Variants in RIGI observed in about 807,000 individuals in gnomAD.
The protein encoded by RIGI is antiviral innate immune response receptor RIG-I.
chr9:32,479,798 C>T, the RIGI span, among the ~76,000 whole-genome samples: 1 of 148,816 alleles, frequency 6.7e-6, no homozygotes, highest in Non-Finnish European at 1.5e-5. Context: ...GATTGAGCCA[C>T]TGCACTTGAC....
chr9:32,464,309 G>A, the RIGI span, among the ~76,000 whole-genome samples: 8 of 152,016 alleles, frequency 5.3e-5, no homozygotes, highest in South Asian at 6.2e-4. Flanking sequence ...CACAAAAGGG[G>A]GGCTCACCCC....
the RIGI span, among the ~76,000 whole-genome samples, chr9:32,475,688 A>G: frequency 0.43 from 66,006 of 151,952 alleles, 14,956 homozygotes; most frequent in East Asian, 0.73. Flanking sequence ...GTAGACCTAA[A>G]TGTAAAATGT....
the RIGI span, among the ~76,000 whole-genome samples, chr9:32,486,999 C>T: frequency 6.6e-6 from 1 of 152,164 alleles, no homozygotes; most frequent in East Asian, 1.9e-4. Flanking sequence ...GTAATAATAA[C>T]ATCAATAAAC....
chr9:32,476,913 T>G, the RIGI span: 1 of 1,353,960 alleles, frequency 7.4e-7, no homozygotes, highest in South Asian at 1.4e-5. Context: ...TGAGACACCA[T>G]ACCCAGCCCA....
the RIGI span, among the ~76,000 whole-genome samples, chr9:32,495,015 C>T: frequency 1.3e-5 from 2 of 152,142 alleles, no homozygotes; most frequent in Middle Eastern, 3.2e-3. Context: ...CAATACCTTG[C>T]TTTCAATTCT....
At chr9:32,485,164 A>C in the RIGI span, 2 of 1,577,136 alleles carry the variant, frequency 1.3e-6, no homozygotes, top group South Asian at 2.3e-5. Flanking sequence ...AAAATATGAG[A>C]TTTATCTCAC....
chr9:32,477,139 T>C, the RIGI span: 1 of 1,611,766 alleles, frequency 6.2e-7, no homozygotes, highest in South Asian at 1.1e-5. Context: ...TTTCTGCAAA[T>C]GGGAAACATT....
At chr9:32,500,140 C>T in the RIGI span, among the ~76,000 whole-genome samples, 2 of 152,130 alleles carry the variant, frequency 1.3e-5, no homozygotes, top group African/African-American at 2.4e-5. Context: ...CTAATAAATG[C>T]TAACGTGTAG....
At chr9:32,489,966 G>A in the RIGI span, among the ~76,000 whole-genome samples, 1 of 152,174 alleles carries the variant, frequency 6.6e-6, no homozygotes, top group African/African-American at 2.4e-5. Context: ...TAACAGGTAG[G>A]CATATAAATC....
At chr9:32,523,978 T>A in the RIGI span, among the ~76,000 whole-genome samples, 1 of 152,030 alleles carries the variant, frequency 6.6e-6, no homozygotes, top group African/African-American at 2.4e-5. Flanking sequence ...CCTTTGCACA[T>A]AAGGAGCCCT....
At chr9:32,485,834 C>A in the RIGI span, among the ~76,000 whole-genome samples, 1 of 152,060 alleles carries the variant, frequency 6.6e-6, no homozygotes, top group African/African-American at 2.4e-5. Flanking sequence ...CCACCGCACC[C>A]GGCCTAACCA....
chr9:32,476,893 A>G, the RIGI span: 8 of 1,136,486 alleles, frequency 7.0e-6, no homozygotes, highest in Non-Finnish European at 9.9e-6. Flanking sequence ...AACTTCTGGG[A>G]TTACAGGCGT....
chr9:32,497,431 T>A, the RIGI span, among the ~76,000 whole-genome samples: 1 of 152,198 alleles, frequency 6.6e-6, no homozygotes, highest in African/African-American at 2.4e-5. Context: ...TTTTCTAAAA[T>A]CTTTAGGGTT....
the RIGI span, among the ~76,000 whole-genome samples, chr9:32,473,965 T>C: frequency 6.6e-4 from 100 of 152,212 alleles, no homozygotes; most frequent in African/African-American, 2.4e-3. Context: ...GAGGCATAGG[T>C]TGCAGTGAGC....
At chr9:32,526,165 A>C in the RIGI span, 7 of 1,611,962 alleles carry the variant, frequency 4.3e-6, no homozygotes, top group Non-Finnish European at 5.9e-6. Flanking sequence ...CTCGGTGGTC[A>C]TGCCGGCCTC....
the RIGI span, among the ~76,000 whole-genome samples, chr9:32,479,741 A>T: frequency 6.6e-6 from 1 of 151,656 alleles, no homozygotes; most frequent in Admixed American, 6.6e-5. Context: ...GGAGGCTGAG[A>T]CATGAGAATT....
the RIGI span, among the ~76,000 whole-genome samples, chr9:32,473,925 A>C: frequency 6.6e-6 from 1 of 152,116 alleles, no homozygotes; most frequent in Non-Finnish European, 1.5e-5. Context: ...CTACTCAGGA[A>C]GCTGAGGCAA....
chr9:32,508,258 T>TTTTTTTTTTTTTTTTTA, the RIGI span, among the ~76,000 whole-genome samples: 10 of 138,046 alleles, frequency 7.2e-5, no homozygotes, highest in African/African-American at 2.6e-4. Context: ...TTTTTTTTTT[T>TTTTTTTTTTTTTTTTTA]ACTATATGAA....
chr9:32,487,820 T>C, the RIGI span: 2 of 1,316,408 alleles, frequency 1.5e-6, no homozygotes, highest in Non-Finnish European at 2.1e-6. Context: ...ACAAAATTCA[T>C]AATGAGTTGT....
Sources: gnomAD v4.1 joint callset for allele counts (sites outside exome capture counted in the v4.1 genomes callset) on GRCh38, gnomAD v4.1.1 for gene constraint, MANE v1.5 for transcripts, NCBI Gene and HGNC (gene_info 2026-07-23, HGNC 2026-07-21) for gene names.